ZNG1A: variants seen among roughly 807,000 people sequenced by gnomAD.
ZNG1A encodes the protein Zn regulated GTPase metalloprotein activator 1A.
the ZNG1A span, among the ~76,000 whole-genome samples, chr9:177,151 A>G: frequency 2.6e-5 from 4 of 152,310 alleles, no homozygotes; most frequent in East Asian, 3.9e-4. Flanking sequence ...TTGAAGTAAC[A>G]TTAGTTCATT....
chr9:133,431 C>T, the ZNG1A span, among the ~76,000 whole-genome samples: 3,147 of 149,736 alleles, frequency 0.021, 39 homozygotes, highest in Middle Eastern at 0.075. Context: ...TCTACTCTTA[C>T]GCACGTTTGA....
the ZNG1A span, among the ~76,000 whole-genome samples, chr9:128,420 G>A: frequency 6.6e-6 from 1 of 151,850 alleles, no homozygotes; most frequent in Non-Finnish European, 1.5e-5. Flanking sequence ...TTAATTAGGA[G>A]ACCTTGTCTT....
the ZNG1A span, chr9:167,398 TTGAGGGGGAATAAAGTG>T: frequency 6.6e-6 from 1 of 150,658 alleles, no homozygotes; most frequent in Non-Finnish European, 1.5e-5. Context: ...ATTTACAAAG[TTGAGGGGGAATAAAGTG>T]TGACTGATAA....
the ZNG1A span, among the ~76,000 whole-genome samples, chr9:162,650 G>C: frequency 1.3e-5 from 2 of 149,872 alleles, no homozygotes; most frequent in Middle Eastern, 3.4e-3. Flanking sequence ...CCAGTAATAA[G>C]TCAATGCATT....
At chr9:172,026 T>G in the ZNG1A span, 1 of 1,608,518 alleles carries the variant, frequency 6.2e-7, no homozygotes, top group Admixed American at 1.7e-5. Flanking sequence ...CTAATACATC[T>G]ATTTACAATA....
the ZNG1A span, chr9:166,620 C>T: frequency 1.3e-5 from 2 of 152,698 alleles, no homozygotes; most frequent in East Asian, 1.9e-4. Context: ...TAATGAAGAA[C>T]TTGAAAACAA....
chr9:132,107 G>A, the ZNG1A span, among the ~76,000 whole-genome samples: 1 of 142,100 alleles, frequency 7.0e-6, no homozygotes, highest in Non-Finnish European at 1.5e-5. Context: ...TCTTTGACTA[G>A]GAAGGGGCAA....
the ZNG1A span, chr9:123,837 T>G: frequency 1.8e-4 from 32 of 180,692 alleles, no homozygotes; most frequent in African/African-American, 7.2e-4. Flanking sequence ...TCACCTCATT[T>G]TATCTTTTGA....
the ZNG1A span, among the ~76,000 whole-genome samples, chr9:127,100 A>G: frequency 2.0e-5 from 3 of 152,118 alleles, no homozygotes; most frequent in Admixed American, 6.5e-5. Flanking sequence ...GTTGGCTATC[A>G]CATGGTCTAT....
the ZNG1A span, chr9:154,469 T>C: frequency 4.6e-5 from 24 of 522,478 alleles, no homozygotes; most frequent in African/African-American, 4.6e-4. Context: ...AAAGATGGAG[T>C]GCGAAGACCC....
the ZNG1A span, among the ~76,000 whole-genome samples, chr9:163,170 G>T: frequency 6.6e-6 from 1 of 152,042 alleles, no homozygotes; most frequent in Non-Finnish European, 1.5e-5. Flanking sequence ...AGAAAATTTC[G>T]ACTGAGAAAG....
chr9:155,674 A>C, the ZNG1A span, among the ~76,000 whole-genome samples: 1 of 152,144 alleles, frequency 6.6e-6, no homozygotes, highest in East Asian at 1.9e-4. Context: ...AATTCTCAAA[A>C]CTAAATTCAC....
the ZNG1A span, among the ~76,000 whole-genome samples, chr9:125,795 G>A: frequency 4.0e-5 from 2 of 49,750 alleles, no homozygotes; most frequent in African/African-American, 8.7e-5. Context: ...ACCATTTGTT[G>A]AAAAGGGTAT....
chr9:142,436 A>G, the ZNG1A span, among the ~76,000 whole-genome samples: 1 of 113,714 alleles, frequency 8.8e-6, no homozygotes, highest in African/African-American at 4.2e-5. Flanking sequence ...CTGCTCCTGA[A>G]TGACTACTGG....
the ZNG1A span, among the ~76,000 whole-genome samples, chr9:138,696 T>G: frequency 9.2e-4 from 133 of 144,396 alleles, no homozygotes; most frequent in Admixed American, 2.4e-3. Context: ...CCCAGGAGTT[T>G]GAGACCAGCC....
At chr9:169,273 T>C in the ZNG1A span, among the ~76,000 whole-genome samples, 1 of 149,314 alleles carries the variant, frequency 6.7e-6, no homozygotes, top group Non-Finnish European at 1.5e-5. Context: ...GCCGATGTGG[T>C]GGAAACAGTA....
At chr9:166,414 G>T in the ZNG1A span, 1 of 151,370 alleles carries the variant, frequency 6.6e-6, no homozygotes, top group East Asian at 1.9e-4. Flanking sequence ...CCACATAGAA[G>T]TTCTCCCACA....
chr9:158,960 A>G, the ZNG1A span, among the ~76,000 whole-genome samples: 69 of 152,280 alleles, frequency 4.5e-4, no homozygotes, highest in African/African-American at 1.6e-3. Flanking sequence ...AATGTCTTCT[A>G]TTCAAAAGAA....
chr9:177,338 G>C, the ZNG1A span, among the ~76,000 whole-genome samples: 5 of 151,672 alleles, frequency 3.3e-5, no homozygotes, highest in Admixed American at 6.6e-5. Flanking sequence ...ATAAATTAAA[G>C]GGCAGCAAGA....
Sources: gnomAD v4.1 joint callset for allele counts (sites outside exome capture counted in the v4.1 genomes callset) on GRCh38, gnomAD v4.1.1 for gene constraint, MANE v1.5 for transcripts, NCBI Gene and HGNC (gene_info 2026-07-23, HGNC 2026-07-21) for gene names.